The following ORC1 variants were observed in gnomAD, a reference collection of about 807,000 sequenced individuals.
ORC1 encodes origin recognition complex, subunit 1 homolog.
In ORC1, 61 loss-of-function variants were observed where a neutral mutation model predicts 98.9. The ratio of observed to expected loss-of-function variants is 0.62; its 90% confidence interval spans 0.50 to 0.76. The LOEUF (loss-of-function observed/expected upper bound fraction) is 0.76. Ranked by LOEUF, ORC1 falls within the 30% of genes least tolerant of loss-of-function variation. The probability of loss-of-function intolerance (pLI) is 0.00; values close to 1 mark genes in which losing one functional copy is unlikely to be tolerated. For missense variants in ORC1, 979 were observed against 1,072.2 expected (o/e 0.91, Z 1.21); for synonymous variants, 385 against 406.9 (o/e 0.95, Z 0.65).
At chr1:52,401,591 T>A (rs1429605868) in intron 2 of ORC1, 102 bp from the exon 3 acceptor site, 36 of 1,380,626 alleles carry the variant, frequency 2.6e-5, no homozygotes, top group Non-Finnish European at 3.7e-5. Context: ...CCTGATTTCT[T>A]TCTGCTGACC....
Position 52,372,953 on chromosome 1 carries a change from A to G in ORC1, c.*228T>C, listed in dbSNP as rs1646952474. ...CAGATGCTTTGTAGACTAGCTTGGC[A>G]ACATGGTGAAGCCCTGTCTCTACAA... On this transcript the variant is annotated 3_prime_UTR_variant, in exon 17 of 17. Coordinates refer to ENST00000371568, the MANE Select transcript of ORC1 (RefSeq NM_004153.4). The G allele has an allele frequency of 1.3e-5, 7 of 542,088 alleles. No individual in the cohort carries two copies. The highest frequency in any genetic ancestry group is 5.8e-5 in the South Asian group (3 of 52,008). The allele number at this position is 542,088 out of a possible 1,614,324, so 33.6% of individuals were successfully genotyped here. A position where few individuals can be genotyped will look rare whatever the true frequency, so the allele number is the denominator to read the frequency against.
In ORC1 at chr1:52,393,503, C is replaced by T. The variant is rs1226271716; in HGVS notation, c.1022G>A (p.Gly341Glu). ...REERTLTPIS[G>E]GQRSSVVPSV... ...TGGCACCACTGAAGATCTCTGTCCCCCACTGATAGGGGTAAGTGTTCTCTC... is the reference window on the plus strand; with the variant it reads ...TGGCACCACTGAAGATCTCTGTCCCTCACTGATAGGGGTAAGTGTTCTCTC... The change falls in exon 6 of 17, where the codon GGG (glycine) becomes GAG (glutamate). Residue 341 changes from glycine (G) to glutamate (E), a missense_variant. Transcript: ENST00000371568. 1.2e-6 allele frequency: 2 copies of T among 1,614,056 alleles called. No individual in the cohort carries two copies. The highest frequency in any genetic ancestry group is 1.1e-5 in the South Asian group (1 of 91,086).
At position 52,385,999 on chromosome 1, in the gene ORC1, T is replaced by C. The variant is rs1647138792; in HGVS notation, c.1384-50A>G. The C allele has an allele frequency of 3.8e-6, 5 of 1,311,852 alleles. No homozygotes were observed. In the East Asian group the frequency reaches 1.2e-4, roughly 31 times the overall value. 81.3% of individuals were successfully genotyped at this position (1,311,852 alleles called of 1,614,324 possible). A position where few individuals can be genotyped will look rare whatever the true frequency, so the allele number is the denominator to read the frequency against. On this transcript the variant is annotated intron_variant, in intron 8 of 16. Transcript: ENST00000371568. ...TTCACAAGGAAAAAGCAAAACACCA[T>C]CCAGGACACACCAGCAAATGTGATT...
chr1:52,385,170 T>C lies in ORC1; in HGVS notation c.1574A>G (p.His525Arg), dbSNP rs938966323. Residue 525 changes from histidine to arginine, a missense_variant, in exon 10 of 17, where the codon CAT (histidine) becomes CGT (arginine). His to Arg is a conservative substitution (Grantham distance 29). Coordinates refer to ENST00000371568, the MANE Select transcript of ORC1 (RefSeq NM_004153.4). The part of the protein sequence containing the change: ...YNFVESKLLD[H>R]TGGCMYISGV... ...GCCTCACATGACTCACCCTCCGGTA[T>C]GGTCAAGGAGTTTGCTTTCCACAAA... is the stretch of plus-strand genomic sequence containing the variant. The C allele has an allele frequency of 2.5e-6, 4 of 1,609,610 alleles. No individual in the cohort carries two copies. Among genetic ancestry groups the C allele is most frequent in the Non-Finnish European group, 3.4e-6 (4 of 1,175,898 alleles).
chr1:52,392,524 T>C (rs1400045968), intron 6 of ORC1, among the ~76,000 whole-genome samples: 1 of 151,988 alleles, frequency 6.6e-6, no homozygotes, highest in African/African-American at 2.4e-5. Context: ...TAAAAGTAGA[T>C]CCACCATTTG....
intron 6 of ORC1, 68 bp from the exon 7 acceptor site, chr1:52,389,389 A>C: frequency 9.4e-7 from 1 of 1,062,888 alleles, no homozygotes; most frequent in Non-Finnish European, 1.5e-6. Flanking sequence ...AGGCACTAGA[A>C]GATAGTCAAG....
chr1:52,391,817 G>T (rs1647217679), intron 6 of ORC1, among the ~76,000 whole-genome samples: 1 of 151,156 alleles, frequency 6.6e-6, no homozygotes, highest in South Asian at 2.1e-4. Context: ...AGAATTGCTT[G>T]AACCCAGGAG....
intron 6 of ORC1, among the ~76,000 whole-genome samples, chr1:52,390,462 C>T (rs1647193823): frequency 6.6e-6 from 1 of 152,286 alleles, no homozygotes; most frequent in Admixed American, 6.5e-5. Context: ...ACACCCTGTT[C>T]AACAAATAGT....
At chr1:52,383,758 C>T (rs1647104418) in intron 12 of ORC1, 72 bp downstream of exon 12, 14 of 1,402,806 alleles carry the variant, frequency 1.0e-5, no homozygotes, top group Non-Finnish European at 1.3e-5. Flanking sequence ...CAGGACTTTC[C>T]TCCCTCCCAT....
chr1:52,404,971 G>A, upstream of ORC1: 2 of 1,476,688 alleles, frequency 1.4e-6, no homozygotes, highest in South Asian at 1.3e-5. Context: ...GCCTCTGGGG[G>A]TGGTACTGGA....
intron 16 of ORC1, 100 bp downstream of exon 16, chr1:52,374,710 G>A: frequency 2.5e-6 from 2 of 795,330 alleles, no homozygotes; most frequent in Non-Finnish European, 4.4e-6. Context: ...ACATACTCTA[G>A]GTGGCACAAA....
In ORC1 at chr1:52,404,310, G is replaced by T; in HGVS notation, c.-70C>A. 6.5e-6 allele frequency: 1 copy of T among 154,724 alleles called. No homozygotes were observed. Among genetic ancestry groups the T allele is most frequent in the Non-Finnish European group, 1.5e-5 (1 of 68,926 alleles). 9.6% of individuals were successfully genotyped at this position (154,724 alleles called of 1,614,324 possible). ...GTTTCCTACCGCCTCCACTTCGAGA[G>T]CTCCGGGGGATGCGGCACCTCTAAC... On this transcript the variant is annotated 5_prime_UTR_variant, in exon 1 of 17. Coordinates refer to ENST00000371568, the MANE Select transcript of ORC1 (RefSeq NM_004153.4).
chr1:52,375,029 C>T, intron 15 of ORC1, 132 bp from the exon 16 acceptor site: 1 of 686,386 alleles, frequency 1.5e-6, no homozygotes, highest in Non-Finnish European at 2.6e-6. Context: ...TATTATGTGG[C>T]AAGGATCTCC....
chr1:52,383,527 G>A lies in ORC1; in HGVS notation c.1906C>T (p.Leu636Phe), dbSNP rs760700296. 5.0e-6 allele frequency: 8 copies of A among 1,614,066 alleles called. No individual in the cohort carries two copies. In the South Asian group the frequency reaches 8.8e-5, roughly 18 times the overall value. The change falls in exon 13 of 17, where the codon CTC becomes TTC. Residue 636 changes from leucine to phenylalanine, a missense_variant. Transcript: ENST00000371568. Reference protein sequence around the residue: ...WTHKQDIMYNLFDWPTHKEAR... With the variant: ...WTHKQDIMYNFFDWPTHKEAR... ...TCCTTATGAGTGGGCCAGTCAAAGA[G>A]ATTGTACATTATGTCTTGTTTGTGA...
Position 52,373,364 on chromosome 1 carries a change from T to C in ORC1, c.2403A>G (p.Gln801=), listed in dbSNP as rs751607617. 1.9e-6 allele frequency: 3 copies of C among 1,613,788 alleles called. No individual in the cohort carries two copies. Among genetic ancestry groups the C allele is most frequent in the Non-Finnish European group, 2.5e-6 (3 of 1,179,862 alleles). ...CCTCCATTCTGCACAGTGCCACATG[T>C]TGACTATATATCTAGACACAAATAG... ...EEATFQQIYS[Q]HVALCRMEGL... Residue 801 remains glutamine, a synonymous_variant, in exon 17 of 17, where the codon CAA becomes CAG. Coordinates refer to ENST00000371568, the MANE Select transcript of ORC1 (RefSeq NM_004153.4).
At chr1:52,405,859 G>T (rs1284080339), upstream of ORC1, 3 of 1,608,146 alleles carry the variant, frequency 1.9e-6, no homozygotes, top group Non-Finnish European at 2.6e-6. Context: ...ATGTTCACTA[G>T]CTAATATAAG....
At chr1:52,379,882 G>A (rs1443755532) in intron 14 of ORC1, among the ~76,000 whole-genome samples, 1 of 152,066 alleles carries the variant, frequency 6.6e-6, no homozygotes, top group Non-Finnish European at 1.5e-5. Flanking sequence ...GCGGTAAGCC[G>A]AAATTGCACC....
intron 6 of ORC1, among the ~76,000 whole-genome samples, chr1:52,390,483 T>C (rs1012744022): frequency 2.0e-5 from 3 of 152,132 alleles, no homozygotes; most frequent in African/African-American, 7.2e-5. Context: ...GCTGGAATAA[T>C]TGGCAAGCCA....
intron 15 of ORC1, among the ~76,000 whole-genome samples, chr1:52,375,123 G>A (rs1027629934): frequency 1.3e-5 from 2 of 152,156 alleles, no homozygotes; most frequent in East Asian, 3.9e-4. Context: ...AAATACACTG[G>A]TCACTCATAA....
Sources: gnomAD v4.1 joint callset for allele counts (sites outside exome capture counted in the v4.1 genomes callset) on GRCh38, gnomAD v4.1.1 for gene constraint, MANE v1.5 for transcripts, NCBI Gene and HGNC (gene_info 2026-07-23, HGNC 2026-07-21) for gene names.